IGSF21: variants seen among roughly 807,000 people sequenced by gnomAD.
IGSF21 encodes immunoglobin superfamily member 21.
A neutral mutation model predicts 46.8 loss-of-function variants in IGSF21; 28 were observed. The observed-to-expected ratio is 0.60, with a 90% CI of 0.44 to 0.82. The LOEUF (loss-of-function observed/expected upper bound fraction) is 0.82, where lower values mean the gene tolerates loss of function less well. IGSF21 is among the 40% of genes least tolerant of loss of function. The pLI is 0.00. For missense variants in IGSF21, 624 were observed against 665.5 expected (o/e 0.94, Z 0.69); for synonymous variants, 284 against 273.6 (o/e 1.04, Z -0.38).
intron 2 of IGSF21, among the ~76,000 whole-genome samples, chr1:18,271,921 A>G (rs1025798297): frequency 6.6e-6 from 1 of 152,146 alleles, no homozygotes; most frequent in Non-Finnish European, 1.5e-5. Context: ...TGTCATTGAG[A>G]GGCAGGGCAG....
chr1:18,360,035 A>G (rs1309658520), intron 4 of IGSF21, among the ~76,000 whole-genome samples: 1 of 152,212 alleles, frequency 6.6e-6, no homozygotes, highest in Non-Finnish European at 1.5e-5. Flanking sequence ...ATGGGAATAA[A>G]TAAACCCAGC....
At chr1:18,253,457 G>T (rs1383505935) in intron 2 of IGSF21, among the ~76,000 whole-genome samples, 1 of 152,200 alleles carries the variant, frequency 6.6e-6, no homozygotes, top group East Asian at 1.9e-4. Context: ...AGCTGCATGG[G>T]CCCCTTCGTT....
rs141949664 is a variant in IGSF21, at chr1:18,376,973, C to T, written c.1275C>T (p.His425=). The T allele has an allele frequency of 6.8e-5, 109 of 1,595,050 alleles. No homozygotes were observed. The Middle Eastern group carries it at 1.0e-3, about 15-fold the overall frequency. ...ACCCACTGGGCTCCACCGACACGCA[C>T]ACCCGGCTCATCGTGTTTGGTATGG... ...AQNPLGSTDT[H]TRLIVFENPN... Residue 425 remains histidine (H), a synonymous_variant, in exon 8 of 10, where the codon CAC becomes CAT. Coordinates refer to ENST00000251296, the MANE Select transcript of IGSF21 (RefSeq NM_032880.5).
intron 4 of IGSF21, among the ~76,000 whole-genome samples, chr1:18,340,324 T>C (rs1557651367): frequency 6.6e-6 from 1 of 151,690 alleles, no homozygotes; most frequent in Non-Finnish European, 1.5e-5. Flanking sequence ...TGTCAGTGGG[T>C]GGTAAAGCAA....
intron 2 of IGSF21, among the ~76,000 whole-genome samples, chr1:18,273,039 CTTTTT>C (rs760448516): frequency 0.015 from 1,184 of 80,684 alleles, 13 homozygotes; most frequent in Non-Finnish European, 0.023. Flanking sequence ...CCAGACGGAT[CTTTTT>C]TTTTTTTTTT....
intron 3 of IGSF21, among the ~76,000 whole-genome samples, chr1:18,298,193 C>A (rs1453956536): frequency 6.6e-6 from 1 of 152,172 alleles, no homozygotes; most frequent in Non-Finnish European, 1.5e-5. Context: ...GCCCTAGAAG[C>A]TGCTGAAGGG....
At chr1:18,211,892 A>G (rs1276636748) in intron 1 of IGSF21, among the ~76,000 whole-genome samples, 1 of 152,230 alleles carries the variant, frequency 6.6e-6, no homozygotes, top group Non-Finnish European at 1.5e-5. Flanking sequence ...ATCCTCTGCC[A>G]GCTTTGCTTT....
intron 1 of IGSF21, among the ~76,000 whole-genome samples, chr1:18,208,599 A>T (rs375349832): frequency 3.3e-5 from 4 of 121,210 alleles, no homozygotes; most frequent in African/African-American, 9.6e-5. Context: ...GGGTTTCTCC[A>T]TGTTAGCCAG....
intron 2 of IGSF21, among the ~76,000 whole-genome samples, chr1:18,255,446 A>G (rs1240530146): frequency 6.6e-6 from 1 of 152,158 alleles, no homozygotes; most frequent in East Asian, 1.9e-4. Context: ...CAGGACACAC[A>G]GATGACAAAA....
chr1:18,226,037 G>T (rs1473292134), intron 1 of IGSF21, among the ~76,000 whole-genome samples: 2 of 152,230 alleles, frequency 1.3e-5, no homozygotes, highest in Admixed American at 1.3e-4. Flanking sequence ...CATATCAAGT[G>T]CTTAGCCCAG....
At chr1:18,357,840 G>A (rs2086037441) in intron 4 of IGSF21, among the ~76,000 whole-genome samples, 1 of 152,100 alleles carries the variant, frequency 6.6e-6, no homozygotes, top group Non-Finnish European at 1.5e-5. Context: ...ATATTGATGG[G>A]GAGGGTGTGG....
chr1:18,220,346 T>C (rs868663835), intron 1 of IGSF21, among the ~76,000 whole-genome samples: 1 of 152,048 alleles, frequency 6.6e-6, no homozygotes, highest in African/African-American at 2.4e-5. Context: ...GCAGCACCAA[T>C]CCAAGCAGAT....
chr1:18,307,187 T>C (rs2085435017), intron 3 of IGSF21, among the ~76,000 whole-genome samples: 1 of 152,088 alleles, frequency 6.6e-6, no homozygotes, highest in South Asian at 2.1e-4. Flanking sequence ...CTGGGCATGT[T>C]GAGTATTTTG....
At chr1:18,296,949 C>G (rs1045312589) in intron 3 of IGSF21, among the ~76,000 whole-genome samples, 1 of 152,192 alleles carries the variant, frequency 6.6e-6, no homozygotes, top group Admixed American at 6.5e-5. Context: ...TGTATTCCTG[C>G]CCCCGACCTG....
At chr1:18,295,897 G>A (rs2085307677) in intron 3 of IGSF21, among the ~76,000 whole-genome samples, 1 of 152,216 alleles carries the variant, frequency 6.6e-6, no homozygotes, top group Non-Finnish European at 1.5e-5. Context: ...ATGCTCAGGA[G>A]GACAAAGTAC....
chr1:18,123,052 C>T (rs2086248833), intron 1 of IGSF21, among the ~76,000 whole-genome samples: 1 of 152,260 alleles, frequency 6.6e-6, no homozygotes, highest in South Asian at 2.1e-4. Flanking sequence ...GTAGGAAGGG[C>T]ACCAGCCTAG....
chr1:18,195,849 G>A (rs1385712373), intron 1 of IGSF21, among the ~76,000 whole-genome samples: 1 of 152,212 alleles, frequency 6.6e-6, no homozygotes, highest in African/African-American at 2.4e-5. Flanking sequence ...TGGTCCCTAG[G>A]GCAGTGCATG....
At chr1:18,275,315 C>T (rs888871891) in intron 2 of IGSF21, among the ~76,000 whole-genome samples, 1 of 152,084 alleles carries the variant, frequency 6.6e-6, no homozygotes, top group African/African-American at 2.4e-5. Flanking sequence ...GTCTCCAATC[C>T]CCAAGCCAAA....
intron 4 of IGSF21, chr1:18,361,891 C>G (rs1351386939): frequency 5.4e-6 from 3 of 551,318 alleles, no homozygotes; most frequent in Non-Finnish European, 9.8e-6. Context: ...GTGTCTTCTA[C>G]ACTAAACTGT....
Sources: allele counts gnomAD v4.1 joint callset (sites outside exome capture counted in the v4.1 genomes callset), GRCh38; gene constraint gnomAD v4.1.1; transcripts MANE v1.5; gene names NCBI Gene and HGNC (gene_info 2026-07-23, HGNC 2026-07-21).